C9orf153: variants seen among roughly 807,000 people sequenced by gnomAD.
C9orf153 encodes the protein chromosome 9 open reading frame 153, also known as uncharacterized protein C9orf153.
In C9orf153, 10 loss-of-function variants were observed where a neutral mutation model predicts 9.0. The ratio of observed to expected loss-of-function variants is 1.11; its 90% CI spans 0.69 to 1.89. The LOEUF is 1.89. Among genes scored for constraint, C9orf153 ranks in the 40% most tolerant of loss-of-function variants. C9orf153 has a pLI of 0.00. For synonymous variants in C9orf153, 35 were observed against 37.3 expected (o/e 0.94, Z 0.23); for missense variants, 108 against 111.0 (o/e 0.97, Z 0.12).
At chr9:86,253,098 A>T (rs968383330) in intron 1 of C9orf153, among the ~76,000 whole-genome samples, 51 of 152,256 alleles carry the variant, frequency 3.3e-4, no homozygotes, top group African/African-American at 1.2e-3. Flanking sequence ...ACTATTTGTG[A>T]GTATTCTTAA....
chr9:86,243,469 CTT>C (rs11297338), intron 1 of C9orf153, among the ~76,000 whole-genome samples: 61 of 134,714 alleles, frequency 4.5e-4, no homozygotes, highest in African/African-American at 7.8e-4. Context: ...TTCTTTTCTT[CTT>C]TTTTTTTTTT....
intron 1 of C9orf153, among the ~76,000 whole-genome samples, chr9:86,234,293 A>G (rs1251459188): frequency 6.6e-6 from 1 of 152,248 alleles, no homozygotes; most frequent in Non-Finnish European, 1.5e-5. Flanking sequence ...ATAAAAACAT[A>G]GTAGAACTGA....
At chr9:86,251,707 G>A (rs553034132) in intron 1 of C9orf153, among the ~76,000 whole-genome samples, 104 of 152,148 alleles carry the variant, frequency 6.8e-4, no homozygotes, top group African/African-American at 2.3e-3. Context: ...TAAAAAAATT[G>A]TAAGAGGTTA....
intron 1 of C9orf153, chr9:86,258,451 G>A (rs890813457): frequency 6.6e-6 from 1 of 152,182 alleles, no homozygotes; most frequent in Non-Finnish European, 1.5e-5. Flanking sequence ...GTTCTAGCAG[G>A]GGAGTGCAGC....
chr9:86,257,485 C>T (rs1825145471), intron 1 of C9orf153, among the ~76,000 whole-genome samples: 1 of 152,198 alleles, frequency 6.6e-6, no homozygotes, highest in Non-Finnish European at 1.5e-5. Context: ...GTTCTCTCAG[C>T]TGTCACTTTT....
Position 86,259,601 on chromosome 9 carries a change from G to C in C9orf153, c.-78C>G, listed in dbSNP as rs946228181. 2 of 152,240 alleles carry C rather than the reference G, an allele frequency of 1.3e-5. No homozygotes were observed. Among genetic ancestry groups the C allele is most frequent in the Admixed American group, 6.5e-5 (1 of 15,270 alleles). 9.4% of individuals were successfully genotyped at this position (152,240 alleles called of 1,614,324 possible). ...GTGGTCATATCTGTCTTGAGTCTCT[G>C]CACTCCCAGGGCAGAGGCTGGGTCT... On this transcript the variant is annotated 5_prime_UTR_variant, in exon 1 of 4. Transcript: ENST00000339137.
At chr9:86,252,241 G>A (rs1825011598) in intron 1 of C9orf153, among the ~76,000 whole-genome samples, 1 of 151,918 alleles carries the variant, frequency 6.6e-6, no homozygotes, top group South Asian at 2.1e-4. Flanking sequence ...CACCACGTTG[G>A]CCAGCTGGTC....
intron 1 of C9orf153, among the ~76,000 whole-genome samples, chr9:86,237,795 C>T (rs1462561373): frequency 1.3e-5 from 2 of 151,990 alleles, no homozygotes; most frequent in Non-Finnish European, 2.9e-5. Context: ...AAACGTGAGG[C>T]AAGCCAGGCA....
chr9:86,244,315 C>T (rs1824817976), intron 1 of C9orf153, among the ~76,000 whole-genome samples: 1 of 152,088 alleles, frequency 6.6e-6, no homozygotes, highest in African/African-American at 2.4e-5. Flanking sequence ...CTCACATGAT[C>T]CTCCCACCTC....
intron 3 of C9orf153, among the ~76,000 whole-genome samples, chr9:86,226,491 T>C (rs1824336042): frequency 6.6e-6 from 1 of 151,980 alleles, no homozygotes. Context: ...CTGGCTAATT[T>C]TTAAAATTTT....
chr9:86,258,413 T>C (rs1378217768), intron 1 of C9orf153: 1 of 151,392 alleles, frequency 6.6e-6, no homozygotes, highest in African/African-American at 2.4e-5. Context: ...TCCTTTGAAG[T>C]AATTACTTTT....
intron 1 of C9orf153, among the ~76,000 whole-genome samples, chr9:86,234,779 A>G (rs1824542980): frequency 6.6e-6 from 1 of 152,240 alleles, no homozygotes; most frequent in South Asian, 2.1e-4. Flanking sequence ...TCACAGAATG[A>G]GAGAAAATAT....
intron 3 of C9orf153, chr9:86,227,646 CCTT>C: frequency 3.0e-6 from 3 of 985,334 alleles, no homozygotes; most frequent in Non-Finnish European, 3.6e-6. Context: ...GGGCTTGGAA[CCTT>C]CTGTACGGTA....
In C9orf153 at chr9:86,227,935, C is replaced by T. The variant is rs1824375661; in HGVS notation, c.162G>A (p.Gln54=). The T allele has an allele frequency of 6.2e-7, 1 of 1,613,836 alleles. No individual in the cohort carries two copies. ...KMHGISLNEA[Q]EVLARNLNVM... ...CATTCAGGTTTCTAGCAAGTACTTC[C>T]TGTGCTTCGTTAAGTGAAATACCAT... is the stretch of plus-strand genomic sequence containing the variant. The change falls in exon 3 of 4, where the codon CAG becomes CAA. Residue 54 remains glutamine, a synonymous_variant. Coordinates refer to ENST00000339137, the MANE Select transcript of C9orf153 (RefSeq NM_001276366.4).
chr9:86,248,609 C>A (rs1362024610), intron 1 of C9orf153, among the ~76,000 whole-genome samples: 1 of 152,150 alleles, frequency 6.6e-6, no homozygotes, highest in Non-Finnish European at 1.5e-5. Context: ...CACATTCACA[C>A]AACTCCTTGT....
At chr9:86,248,948 G>A (rs565847858) in intron 1 of C9orf153, among the ~76,000 whole-genome samples, 3 of 152,160 alleles carry the variant, frequency 2.0e-5, no homozygotes, top group African/African-American at 7.2e-5. Context: ...AGTCTGCCAC[G>A]CCAGCAACGT....
In C9orf153 at chr9:86,221,605, G is replaced by T; in HGVS notation, c.*83C>A. Reference sequence around the variant, plus strand: ...GGGAAAATAACGTCAGGCATGTCCTGGCTCTCTACAAATCTCTTCTCAGTG... The same window carrying T: ...GGGAAAATAACGTCAGGCATGTCCTTGCTCTCTACAAATCTCTTCTCAGTG... On this transcript the variant is annotated 3_prime_UTR_variant, in exon 4 of 4. Coordinates refer to ENST00000339137, the MANE Select transcript of C9orf153 (RefSeq NM_001276366.4). The T allele has an allele frequency of 6.7e-7, 1 of 1,494,420 alleles. No individual in the cohort carries two copies. The highest frequency in any genetic ancestry group is 8.9e-7 in the Non-Finnish European group (1 of 1,119,802). The allele number at this position is 1,494,420 out of a possible 1,614,324, so 92.6% of individuals were successfully genotyped here.
intron 3 of C9orf153, among the ~76,000 whole-genome samples, chr9:86,226,747 G>C (rs1197791560): frequency 1.3e-5 from 2 of 151,054 alleles, no homozygotes; most frequent in African/African-American, 4.9e-5. Flanking sequence ...TAAGTTTCAT[G>C]GTTTTTTGTT....
At chr9:86,252,745 T>C (rs1173789250) in intron 1 of C9orf153, among the ~76,000 whole-genome samples, 1 of 152,228 alleles carries the variant, frequency 6.6e-6, no homozygotes, top group Non-Finnish European at 1.5e-5. Context: ...AATTCAGATA[T>C]GTGTTGGTAA....
Sources: allele counts gnomAD v4.1 joint callset (sites outside exome capture counted in the v4.1 genomes callset), GRCh38; gene constraint gnomAD v4.1.1; transcripts MANE v1.5; gene names NCBI Gene and HGNC (gene_info 2026-07-23, HGNC 2026-07-21).